The following CDYL variants were observed in gnomAD, a reference collection of about 807,000 sequenced individuals.
CDYL encodes the protein chromodomain Y like, also known as chromodomain Y-like protein.
CDYL carries 8 observed loss-of-function variants against 47.3 expected under a neutral mutation model. The ratio of observed to expected loss-of-function variants is 0.17; its 90% CI spans 0.10 to 0.31. The LOEUF (loss-of-function observed/expected upper bound fraction) is 0.31. Among genes scored for constraint, CDYL ranks in the 10% least tolerant of loss-of-function variants. The pLI, the probability that CDYL is intolerant of heterozygous loss-of-function variation, is 1.00. For synonymous variants in CDYL, 266 were observed against 265.0 expected (o/e 1.00, Z -0.04); for missense variants, 471 against 701.4 (o/e 0.67, Z 3.71).
chr6:4,901,956 A>G (rs1341223737), intron 2 of CDYL, among the ~76,000 whole-genome samples: 1 of 152,056 alleles, frequency 6.6e-6, no homozygotes, highest in Non-Finnish European at 1.5e-5. Context: ...CTGGGCTGCC[A>G]CCCTGACCTC....
At chr6:4,725,258 T>C (rs146799219) in intron 2 of CDYL, among the ~76,000 whole-genome samples, 3,199 of 152,368 alleles carry the variant, frequency 0.021, 54 homozygotes, top group Non-Finnish European at 0.031. Flanking sequence ...GGAGCCCAGC[T>C]GGCTTTACAC....
rs113345874 is a variant in CDYL, at chr6:4,904,960, G to A, written c.691+12581G>A. On this transcript the variant is annotated intron_variant, in intron 2 of 6. Transcript: ENST00000397588. ...GGTGTTTAATCACAAGAACACCTCC[G>A]CAGTGCCTGTGTGATCGGCCGTCCC... is the stretch of plus-strand genomic sequence containing the variant. 2.9e-4 allele frequency among the ~76,000 whole-genome samples: 44 copies of A among 152,038 alleles called. 1 individual carries two copies. The South Asian group carries it at 8.9e-3, about 31-fold the overall frequency.
intron 1 of CDYL, among the ~76,000 whole-genome samples, chr6:4,818,244 G>A (rs1228063701): frequency 6.6e-6 from 1 of 152,014 alleles, no homozygotes; most frequent in Non-Finnish European, 1.5e-5. Context: ...GATAAAGTGA[G>A]CCCCTGTCTC....
At chr6:4,938,478 A>G (rs1758269054) in intron 4 of CDYL, among the ~76,000 whole-genome samples, 1 of 152,210 alleles carries the variant, frequency 6.6e-6, no homozygotes, top group Non-Finnish European at 1.5e-5. Context: ...AAAATTGTAT[A>G]TACTTATAGT....
At chr6:4,714,468 G>C (rs1281132117) in intron 1 of CDYL, 1 of 152,230 alleles carries the variant, frequency 6.6e-6, no homozygotes, top group African/African-American at 2.4e-5. Context: ...ACAATGCTCA[G>C]TGCAATGCCT....
At chr6:4,854,059 C>T (rs113248752) in intron 1 of CDYL, among the ~76,000 whole-genome samples, 2,024 of 152,318 alleles carry the variant, frequency 0.013, 49 homozygotes, top group African/African-American at 0.046. Flanking sequence ...ACTTTGCACA[C>T]GTGTCCCTGG....
intron 1 of CDYL, among the ~76,000 whole-genome samples, chr6:4,841,343 C>G (rs1760483213): frequency 6.6e-6 from 1 of 151,996 alleles, no homozygotes; most frequent in East Asian, 1.9e-4. Flanking sequence ...TTTGAAAGAA[C>G]CAGCTTTTTG....
intron 1 of CDYL, among the ~76,000 whole-genome samples, chr6:4,804,260 AC>A (rs745969718): frequency 6.6e-6 from 1 of 152,094 alleles, no homozygotes; most frequent in Non-Finnish European, 1.5e-5. Flanking sequence ...CTCCAGTTTC[AC>A]CCACGAGAAT....
chr6:4,839,018 C>G (rs1324856040), intron 1 of CDYL, among the ~76,000 whole-genome samples: 1 of 152,208 alleles, frequency 6.6e-6, no homozygotes, highest in East Asian at 1.9e-4. Context: ...TTTTCCATAG[C>G]AGCTGTACTA....
chr6:4,893,674 C>T (rs1015642521), intron 2 of CDYL, among the ~76,000 whole-genome samples: 10 of 147,312 alleles, frequency 6.8e-5, no homozygotes, highest in Non-Finnish European at 1.5e-5. Flanking sequence ...GCCAGGGTGA[C>T]AGAGTGAGAC....
At chr6:4,708,864 C>T (rs914023588) in intron 1 of CDYL, among the ~76,000 whole-genome samples, 4 of 151,988 alleles carry the variant, frequency 2.6e-5, no homozygotes, top group African/African-American at 7.2e-5. Context: ...ATTAAAAATA[C>T]AAAAATTGGC....
chr6:4,715,696 C>A, intron 1 of CDYL: 1 of 1,554,766 alleles, frequency 6.4e-7, no homozygotes, highest in Non-Finnish European at 8.7e-7. Flanking sequence ...TGGGTTTTTT[C>A]CCATGTACTG....
At chr6:4,741,401 T>C (rs147658457) in intron 3 of CDYL, among the ~76,000 whole-genome samples, 1 of 152,334 alleles carries the variant, frequency 6.6e-6, no homozygotes, top group Non-Finnish European at 1.5e-5. Flanking sequence ...TATATAAGAT[T>C]AAATTTCATT....
intron 1 of CDYL, among the ~76,000 whole-genome samples, chr6:4,877,948 A>C (rs1186308581): frequency 6.6e-6 from 1 of 152,136 alleles, no homozygotes; most frequent in East Asian, 1.9e-4. Context: ...TGCTCTTTTA[A>C]TTTGTAAACA....
At chr6:4,896,933 T>C (rs951380751) in intron 2 of CDYL, among the ~76,000 whole-genome samples, 2 of 152,170 alleles carry the variant, frequency 1.3e-5, no homozygotes, top group Admixed American at 6.5e-5. Flanking sequence ...CACTCACTTT[T>C]ATAGAATAAC....
At chr6:4,882,952 C>T (rs559155365) in intron 1 of CDYL, among the ~76,000 whole-genome samples, 1 of 152,266 alleles carries the variant, frequency 6.6e-6, no homozygotes, top group African/African-American at 2.4e-5. Context: ...GAAATTCTCC[C>T]CTGGCCCTTC....
At chr6:4,820,578 T>C (rs1759806034) in intron 1 of CDYL, among the ~76,000 whole-genome samples, 1 of 152,188 alleles carries the variant, frequency 6.6e-6, no homozygotes, top group South Asian at 2.1e-4. Flanking sequence ...GGGACTTTGA[T>C]CTTCACCACA....
rs533118956 is a variant in CDYL, at chr6:4,782,467, C to G, written c.24+5660C>G. Among the ~76,000 whole-genome samples the G allele has an allele frequency of 6.6e-5, 10 of 152,240 alleles. No homozygotes were observed. The South Asian group carries it at 2.1e-3, about 32-fold the overall frequency. Reference sequence around the variant, plus strand: ...TTGCTGTTCTTTTTACTCTTAGTTCCTCATCTGCTTACATGGTTTCAACTC... The same window carrying G: ...TTGCTGTTCTTTTTACTCTTAGTTCGTCATCTGCTTACATGGTTTCAACTC... On this transcript the variant is annotated intron_variant, in intron 1 of 6. Coordinates refer to ENST00000397588, the MANE Select transcript of CDYL (RefSeq NM_004824.4).
chr6:4,725,766 G>A (rs11759784), intron 2 of CDYL, among the ~76,000 whole-genome samples: 19,107 of 152,248 alleles, frequency 0.13, 1,444 homozygotes, highest in African/African-American at 0.22. Context: ...GTGCAGCGGC[G>A]GGCTGAGGGG....
Sources: gnomAD v4.1 joint callset for allele counts (sites outside exome capture counted in the v4.1 genomes callset) on GRCh38, gnomAD v4.1.1 for gene constraint, MANE v1.5 for transcripts, NCBI Gene and HGNC (gene_info 2026-07-23, HGNC 2026-07-21) for gene names.